The following GTF2A1L variants were observed in gnomAD, a reference collection of about 807,000 sequenced individuals.
The protein encoded by GTF2A1L is general transcription factor IIA subunit 1 like, also known as TFIIA-alpha and beta-like factor.
GTF2A1L carries 48 observed loss-of-function variants against 49.7 expected under a neutral mutation model. That is an observed-to-expected ratio of 0.97 (90% CI 0.77 to 1.23). GTF2A1L has a LOEUF of 1.23. GTF2A1L is among the 50% of genes most tolerant of loss of function. The pLI, the probability that GTF2A1L is intolerant of heterozygous loss-of-function variation, is 0.00. For missense variants in GTF2A1L, 736 were observed against 564.8 expected, an observed-to-expected ratio of 1.30 and a Z score of -3.07; for synonymous variants, 246 against 193.5, an observed-to-expected ratio of 1.27 and a Z score of -2.25.
At chr2:48,677,849 A>G (rs961305630) in intron 8 of GTF2A1L, among the ~76,000 whole-genome samples, 3 of 152,016 alleles carry the variant, frequency 2.0e-5, no homozygotes, top group African/African-American at 4.8e-5. Context: ...AGTAGCAAGC[A>G]TAAAGAATAC....
At chr2:48,676,660 A>T (rs1679482488) in intron 8 of GTF2A1L, among the ~76,000 whole-genome samples, 1 of 151,546 alleles carries the variant, frequency 6.6e-6, no homozygotes, top group African/African-American at 2.4e-5. Context: ...AGTTATTTTC[A>T]TTGCTTTTTC....
intron 8 of GTF2A1L, among the ~76,000 whole-genome samples, chr2:48,679,048 G>T (rs1350210057): frequency 1.9e-5 from 1 of 53,830 alleles, no homozygotes; most frequent in Non-Finnish European, 5.5e-5. Context: ...ACTCTTAAAA[G>T]GCAGGGATTT....
At chr2:48,656,721 T>G (rs2104252084) in intron 6 of GTF2A1L, among the ~76,000 whole-genome samples, 1 of 152,308 alleles carries the variant, frequency 6.6e-6, no homozygotes, top group South Asian at 2.1e-4. Context: ...TATCTATTTT[T>G]TTCTTTTGTT....
intron 6 of GTF2A1L, among the ~76,000 whole-genome samples, chr2:48,663,696 A>C (rs897525613): frequency 3.9e-5 from 6 of 152,160 alleles, no homozygotes. Context: ...GCTGGAGTGC[A>C]GTGGCAGGTC....
chr2:48,643,414 C>G (rs1316909414), intron 4 of GTF2A1L, among the ~76,000 whole-genome samples: 1 of 152,110 alleles, frequency 6.6e-6, no homozygotes, highest in Non-Finnish European at 1.5e-5. Context: ...AGGGCAAATG[C>G]TTAGTGGGCT....
Position 48,646,998 on chromosome 2 carries a change from C to A in GTF2A1L, c.934C>A (p.Pro312Thr), listed in dbSNP as rs1391222071. The change falls in exon 6 of 9, where the codon CCA (proline) becomes ACA (threonine). Residue 312 changes from proline (P) to threonine (T), a missense_variant. Transcript: ENST00000403751. ...GTATGGATGTGATTCTGTAAAGCAA[C>A]CAAGAAATATAGAGGAACCCAGCAA... ...RMYGCDSVKQPRNIEEPSNIP... is the reference protein window; with the variant it reads ...RMYGCDSVKQTRNIEEPSNIP... 1.2e-6 allele frequency: 2 copies of A among 1,613,512 alleles called. No individual in the cohort carries two copies. The highest frequency in any genetic ancestry group is 1.7e-6 in the Non-Finnish European group (2 of 1,179,832).
At chr2:48,647,301 A>G (rs969994996) in intron 6 of GTF2A1L, among the ~76,000 whole-genome samples, 2 of 152,210 alleles carry the variant, frequency 1.3e-5, no homozygotes, top group Non-Finnish European at 2.9e-5. Context: ...TGGTACAACC[A>G]AGAAGATTCT....
At chr2:48,663,366 G>A (rs1163979370) in intron 6 of GTF2A1L, among the ~76,000 whole-genome samples, 2 of 152,046 alleles carry the variant, frequency 1.3e-5, no homozygotes, top group African/African-American at 4.8e-5. Flanking sequence ...AGCCCAGGAG[G>A]TCAAGGCTGC....
chr2:48,633,685 TGTTA>T (rs1217882963), intron 3 of GTF2A1L, among the ~76,000 whole-genome samples: 1 of 152,222 alleles, frequency 6.6e-6, no homozygotes, highest in Non-Finnish European at 1.5e-5. Context: ...ATAATTTCTT[TGTTA>T]GTTTTCTGCC....
chr2:48,642,059 A>G (rs3792241), intron 3 of GTF2A1L, among the ~76,000 whole-genome samples: 81,697 of 152,028 alleles, frequency 0.54, 22,771 homozygotes, highest in East Asian at 0.94. Context: ...TCAATATTAT[A>G]GTCTCACGGA....
chr2:48,621,593 T>C (rs1676002742), intron 3 of GTF2A1L, among the ~76,000 whole-genome samples: 1 of 152,210 alleles, frequency 6.6e-6, no homozygotes, highest in African/African-American at 2.4e-5. Context: ...TTCAGATAAT[T>C]TGACTGGGTC....
At chr2:48,667,861 A>T (rs932386374) in intron 6 of GTF2A1L, among the ~76,000 whole-genome samples, 3 of 152,190 alleles carry the variant, frequency 2.0e-5, no homozygotes, top group African/African-American at 7.2e-5. Context: ...ATCTTAAGTT[A>T]TTGAGATGTG....
At chr2:48,666,319 C>T (rs1023425465) in intron 6 of GTF2A1L, among the ~76,000 whole-genome samples, 8 of 152,036 alleles carry the variant, frequency 5.3e-5, no homozygotes, top group African/African-American at 1.9e-4. Flanking sequence ...ATTTCACCTG[C>T]CTCAGCCTCC....
chr2:48,676,850 ATATC>A (rs1231101901), intron 8 of GTF2A1L, among the ~76,000 whole-genome samples: 2 of 150,906 alleles, frequency 1.3e-5, no homozygotes, highest in Admixed American at 6.6e-5. Flanking sequence ...ATCTATATCT[ATATC>A]TATATACTCA....
chr2:48,634,623 G>GA (rs1034250008), intron 3 of GTF2A1L, among the ~76,000 whole-genome samples: 5 of 152,094 alleles, frequency 3.3e-5, no homozygotes, highest in Admixed American at 6.6e-5. Flanking sequence ...TTGCATGTCT[G>GA]AAAAAACCTT....
At chr2:48,662,111 T>G (rs73931116) in intron 6 of GTF2A1L, among the ~76,000 whole-genome samples, 7,131 of 152,282 alleles carry the variant, frequency 0.047, 554 homozygotes, top group African/African-American at 0.16. Flanking sequence ...ATAACCTGTT[T>G]TAATCAGATA....
chr2:48,669,256 C>T (rs943618115), intron 6 of GTF2A1L, among the ~76,000 whole-genome samples: 2 of 152,150 alleles, frequency 1.3e-5, no homozygotes, highest in East Asian at 1.9e-4. Flanking sequence ...TTCTAGGTGC[C>T]TCATATAAGT....
At chr2:48,652,690 A>G (rs1396736034) in intron 6 of GTF2A1L, among the ~76,000 whole-genome samples, 1 of 151,170 alleles carries the variant, frequency 6.6e-6, no homozygotes, top group Non-Finnish European at 1.5e-5. Flanking sequence ...TGACTTTATT[A>G]TTATTATCAT....
intron 6 of GTF2A1L, among the ~76,000 whole-genome samples, chr2:48,658,957 G>T (rs918795864): frequency 2.0e-5 from 3 of 152,040 alleles, no homozygotes; most frequent in Non-Finnish European, 4.4e-5. Flanking sequence ...AGCTTAGTTT[G>T]GTGGGATATG....
Sources: gnomAD v4.1 joint callset for allele counts (sites outside exome capture counted in the v4.1 genomes callset) on GRCh38, gnomAD v4.1.1 for gene constraint, MANE v1.5 for transcripts, NCBI Gene and HGNC (gene_info 2026-07-23, HGNC 2026-07-21) for gene names.